GPHN: variants seen among roughly 807,000 people sequenced by gnomAD.
The protein encoded by GPHN is gephyrin.
A neutral mutation model predicts 95.5 loss-of-function variants in GPHN; 17 were observed. The observed-to-expected ratio is 0.18, with a 90% CI of 0.12 to 0.27. The LOEUF (loss-of-function observed/expected upper bound fraction) is 0.27, where lower values mean the gene tolerates loss of function less well. Among genes scored for constraint, GPHN ranks in the 10% least tolerant of loss-of-function variants. The pLI is 1.00. For synonymous variants in GPHN, 320 were observed against 322.5 expected, an observed-to-expected ratio of 0.99 and a Z score of 0.08; for missense variants, 660 against 978.1, an observed-to-expected ratio of 0.67 and a Z score of 4.34.
At chr14:66,690,499 TCTG>T (rs1333280999) in intron 2 of GPHN, among the ~76,000 whole-genome samples, 4 of 152,218 alleles carry the variant, frequency 2.6e-5, no homozygotes, top group South Asian at 2.1e-4. Context: ...GTATGTGTAT[TCTG>T]CTGCATTTGG....
At chr14:66,612,306 G>C (rs1472566018) in intron 1 of GPHN, among the ~76,000 whole-genome samples, 2 of 150,498 alleles carry the variant, frequency 1.3e-5, no homozygotes, top group South Asian at 4.2e-4. Flanking sequence ...TTTATTTATT[G>C]CCCTCAAACA....
chr14:66,998,448 G>A (rs2071965336), intron 9 of GPHN, among the ~76,000 whole-genome samples: 1 of 151,948 alleles, frequency 6.6e-6, no homozygotes, highest in Non-Finnish European at 1.5e-5. Flanking sequence ...TCTTAAATTG[G>A]TAAATATTTC....
At chr14:67,078,909 A>G (rs561117789) in intron 11 of GPHN, among the ~76,000 whole-genome samples, 2 of 152,072 alleles carry the variant, frequency 1.3e-5, no homozygotes, top group East Asian at 3.9e-4. Context: ...GAGGTCATGC[A>G]TGCTTTTCTC....
At chr14:67,694,275 T>A in the GPHN span, among the ~76,000 whole-genome samples, 1 of 151,930 alleles carries the variant, frequency 6.6e-6, no homozygotes, top group Non-Finnish European at 1.5e-5. Context: ...GTTTCCCACA[T>A]CCCCTTACTG....
intron 10 of GPHN, among the ~76,000 whole-genome samples, chr14:67,056,815 G>A (rs992625724): frequency 6.6e-6 from 1 of 152,154 alleles, no homozygotes; most frequent in Non-Finnish European, 1.5e-5. Context: ...TGGGGGTGGG[G>A]GGGGGTCACT....
intron 5 of GPHN, among the ~76,000 whole-genome samples, chr14:66,907,763 G>T (rs1205040811): frequency 6.6e-6 from 1 of 152,156 alleles, no homozygotes; most frequent in African/African-American, 2.4e-5. Flanking sequence ...TGATAAAGTT[G>T]TATCCCATGG....
the GPHN span, chr14:67,382,314 A>T: frequency 2.9e-6 from 2 of 699,854 alleles, no homozygotes; most frequent in Non-Finnish European, 4.5e-6. Flanking sequence ...ACCCTAAATT[A>T]CTGTCCTGTA....
chr14:67,296,211 G>A, the GPHN span, among the ~76,000 whole-genome samples: 12 of 152,102 alleles, frequency 7.9e-5, no homozygotes, highest in Non-Finnish European at 1.6e-4. Context: ...AAGAGGAAAA[G>A]GCATTCCATG....
the GPHN span, chr14:67,650,831 A>G: frequency 5.0e-6 from 8 of 1,614,212 alleles, no homozygotes; most frequent in Non-Finnish European, 6.8e-6. Flanking sequence ...CTTTGGTCAG[A>G]CAAGAGAAGG....
chr14:67,232,325 T>A, the GPHN span, among the ~76,000 whole-genome samples: 4 of 152,162 alleles, frequency 2.6e-5, no homozygotes, highest in African/African-American at 9.7e-5. Context: ...AGGCCAAGTC[T>A]TATGACAAGG....
At chr14:66,812,512 A>G (rs2060803083) in intron 3 of GPHN, among the ~76,000 whole-genome samples, 1 of 152,240 alleles carries the variant, frequency 6.6e-6, no homozygotes, top group African/African-American at 2.4e-5. Flanking sequence ...AGCAGCTTCT[A>G]TAATCATAAT....
At position 66,713,802 on chromosome 14, in the gene GPHN, T is replaced by C. The variant is rs190535657; in HGVS notation, c.143+32617T>C. 2.6e-5 allele frequency among the ~76,000 whole-genome samples: 4 copies of C among 152,266 alleles called. No homozygotes were observed. The East Asian group carries it at 7.7e-4, about 29-fold the overall frequency. On this transcript the variant is annotated intron_variant, in intron 2 of 22. Coordinates refer to ENST00000478722, the MANE Select transcript of GPHN (RefSeq NM_020806.5). ...TTTTGTTTTTGAGACGGAGTCTCTC[T>C]CTGTTGCCCAGACTGGAGTGCAGTG... is the stretch of plus-strand genomic sequence containing the variant.
At chr14:67,690,157 C>T in the GPHN span, 1 of 1,520,408 alleles carries the variant, frequency 6.6e-7, no homozygotes, top group Non-Finnish European at 9.1e-7. Flanking sequence ...ATTCCTGTGG[C>T]TTTTACCTGC....
the GPHN span, among the ~76,000 whole-genome samples, chr14:67,379,654 C>CTT: frequency 1.1e-3 from 133 of 119,936 alleles, 2 homozygotes; most frequent in Middle Eastern, 0.013. Context: ...TTTTCTTTTT[C>CTT]TTTTTTTTTT....
intron 8 of GPHN, among the ~76,000 whole-genome samples, chr14:66,954,756 C>T (rs963689327): frequency 3.9e-5 from 6 of 152,152 alleles, no homozygotes; most frequent in Admixed American, 3.9e-4. Context: ...TGGGTTTTGT[C>T]TAGATGCCTC....
chr14:66,941,319 T>G (rs1291786913), intron 8 of GPHN, among the ~76,000 whole-genome samples: 1 of 152,172 alleles, frequency 6.6e-6, no homozygotes, highest in Non-Finnish European at 1.5e-5. Context: ...ATATTTAGCC[T>G]GATTATTTGC....
chr14:67,659,424 GATA>G, the GPHN span, among the ~76,000 whole-genome samples: 1 of 151,450 alleles, frequency 6.6e-6, no homozygotes, highest in South Asian at 2.1e-4. Context: ...TCAGAATCCA[GATA>G]ATAAGAATAG....
chr14:66,587,826 T>A (rs2061484946), intron 1 of GPHN, among the ~76,000 whole-genome samples: 2 of 152,176 alleles, frequency 1.3e-5, no homozygotes, highest in Non-Finnish European at 2.9e-5. Context: ...CAGACTTAAA[T>A]GTTCCTGCCT....
intron 4 of GPHN, among the ~76,000 whole-genome samples, chr14:66,827,688 T>C (rs2061433552): frequency 6.6e-6 from 1 of 152,176 alleles, no homozygotes. Context: ...CTATAGCCTT[T>C]TACTTGTTTT....
Sources: gnomAD v4.1 joint callset for allele counts (sites outside exome capture counted in the v4.1 genomes callset) on GRCh38, gnomAD v4.1.1 for gene constraint, MANE v1.5 for transcripts, NCBI Gene and HGNC (gene_info 2026-07-23, HGNC 2026-07-21) for gene names.